The following ADH7 variants were observed in gnomAD, a reference collection of about 807,000 sequenced individuals.
ADH7 encodes the protein all-trans-retinol dehydrogenase [NAD(+)] ADH7.
A neutral mutation model predicts 34.4 loss-of-function variants in ADH7; 41 were observed. The ratio of observed to expected loss-of-function variants is 1.19; its 90% confidence interval spans 0.93 to 1.55. The LOEUF is 1.55. Ranked by LOEUF, ADH7 falls within the 40% of genes most tolerant of loss-of-function variation. The pLI, the probability that ADH7 is intolerant of heterozygous loss-of-function variation, is 0.00. For missense variants in ADH7, 540 were observed against 461.2 expected (o/e 1.17, Z -1.56); for synonymous variants, 180 against 160.9 (o/e 1.12, Z -0.90).
intron 7 of ADH7, among the ~76,000 whole-genome samples, chr4:99,417,965 G>C (rs951468460): frequency 6.6e-6 from 1 of 152,114 alleles, no homozygotes; most frequent in Admixed American, 6.5e-5. Flanking sequence ...TAATGTTGCA[G>C]AAAGAGGAAA....
chr4:99,420,955 G>T (rs181477004), intron 5 of ADH7, among the ~76,000 whole-genome samples, 162 bp from the exon 6 acceptor site: 1 of 152,290 alleles, frequency 6.6e-6, no homozygotes, highest in Admixed American at 6.5e-5. Context: ...GGATGTGAAG[G>T]ACCTCTTCAA....
chr4:99,432,822 C>G (rs1367032993), intron 1 of ADH7: 9 of 152,032 alleles, frequency 5.9e-5, no homozygotes. Flanking sequence ...CAATTCTGTG[C>G]CTATCAAGTC....
intron 5 of ADH7, among the ~76,000 whole-genome samples, chr4:99,423,494 A>C (rs1721720860): frequency 6.6e-6 from 1 of 151,480 alleles, no homozygotes; most frequent in South Asian, 2.1e-4. Flanking sequence ...AGTCCCACCA[A>C]CAGTGTAAAA....
chr4:99,434,929 C>G (rs1006942700), intron 1 of ADH7: 12 of 1,097,788 alleles, frequency 1.1e-5, no homozygotes, highest in Non-Finnish European at 1.4e-5. Context: ...AATTGCCCAG[C>G]TATCCGGAAA....
At chr4:99,415,238 G>C (rs1721489126) in intron 8 of ADH7, 2 of 444,166 alleles carry the variant, frequency 4.5e-6, no homozygotes, top group African/African-American at 4.1e-5. Flanking sequence ...CAGCCATGCT[G>C]AACTGTGAGT....
At chr4:99,431,539 T>C (rs1445800613) in intron 1 of ADH7, among the ~76,000 whole-genome samples, 1 of 152,088 alleles carries the variant, frequency 6.6e-6, no homozygotes. Context: ...AGACAACCTA[T>C]AGAAGTGGAG....
intron 1 of ADH7, chr4:99,432,618 C>G (rs978202437): frequency 6.6e-6 from 1 of 152,072 alleles, no homozygotes; most frequent in African/African-American, 2.4e-5. Context: ...ACAATGCTTA[C>G]TCAAATTTAC....
At chr4:99,418,462 C>T (rs1237552410) in intron 7 of ADH7, among the ~76,000 whole-genome samples, 1 of 152,088 alleles carries the variant, frequency 6.6e-6, no homozygotes, top group Non-Finnish European at 1.5e-5. Context: ...TGTCACCTAC[C>T]TTGAGCAGAG....
intron 6 of ADH7, among the ~76,000 whole-genome samples, chr4:99,419,935 G>A (rs1160259280): frequency 3.9e-5 from 6 of 152,136 alleles, no homozygotes; most frequent in Non-Finnish European, 8.8e-5. Context: ...TTTACGCTAT[G>A]CCAGGTTGGA....
intron 3 of ADH7, 89 bp from the exon 4 acceptor site, chr4:99,428,263 A>G: frequency 9.7e-6 from 13 of 1,333,892 alleles, no homozygotes; most frequent in Non-Finnish European, 1.4e-5. Context: ...TACTATAGGT[A>G]AAACTTTTAA....
At chr4:99,421,270 C>A (rs1167886508) in intron 5 of ADH7, among the ~76,000 whole-genome samples, 2 of 152,128 alleles carry the variant, frequency 1.3e-5, no homozygotes, top group Non-Finnish European at 2.9e-5. Context: ...GCTACAGTAA[C>A]AAAAACAGCA....
chr4:99,429,686 G>C (rs1025223693), intron 1 of ADH7, 53 bp from the exon 2 acceptor site: 1 of 1,216,530 alleles, frequency 8.2e-7, no homozygotes, highest in South Asian at 1.3e-5. Context: ...TTAACTTACA[G>C]ACTCCCTGAC....
chr4:99,422,753 A>G (rs1034826048), intron 5 of ADH7, among the ~76,000 whole-genome samples: 3 of 151,874 alleles, frequency 2.0e-5, no homozygotes, highest in African/African-American at 4.8e-5. Context: ...TTCATTTTCA[A>G]TTGCATTTCT....
At chr4:99,435,008 T>C (rs1276458808) in intron 1 of ADH7, 2 of 1,485,228 alleles carry the variant, frequency 1.3e-6, no homozygotes, top group Non-Finnish European at 1.8e-6. Context: ...TGACATTGGA[T>C]ATACTATTTC....
chr4:99,422,246 A>T (rs1176579167), intron 5 of ADH7, among the ~76,000 whole-genome samples: 1 of 152,236 alleles, frequency 6.6e-6, no homozygotes, highest in Non-Finnish European at 1.5e-5. Context: ...AAGACTTGGA[A>T]CTAACCCAAA....
At chr4:99,430,822 G>T (rs528459297) in intron 1 of ADH7, among the ~76,000 whole-genome samples, 1 of 151,604 alleles carries the variant, frequency 6.6e-6, no homozygotes, top group East Asian at 1.9e-4. Context: ...TTTTTTAGAC[G>T]CAATCTTGCT....
chr4:99,427,603 GA>G (rs1553918711), intron 5 of ADH7, among the ~76,000 whole-genome samples, 169 bp downstream of exon 5: 1 of 151,730 alleles, frequency 6.6e-6, no homozygotes. Context: ...TTTCTAATCT[GA>G]ATTTTTTATT....
Position 99,413,117 on chromosome 4 carries a change from TG to T in ADH7, c.*30del. 1 of 1,612,852 alleles carries T rather than the reference TG, an allele frequency of 6.2e-7. No individual in the cohort carries two copies. ...TCACAAGAGAAACTCCAGTTCACCA[TG>T]ACAACACAGACCTCCTGCCACTTTG... On this transcript the variant is annotated 3_prime_UTR_variant, in exon 9 of 9. Coordinates refer to ENST00000437033, the MANE Select transcript of ADH7 (RefSeq NM_000673.7).
intron 5 of ADH7, among the ~76,000 whole-genome samples, chr4:99,425,046 G>C (rs956493198): frequency 6.6e-6 from 1 of 151,984 alleles, no homozygotes; most frequent in Admixed American, 6.6e-5. Context: ...CCCTAAAAGA[G>C]TTCCTGAAGG....
Sources: allele counts gnomAD v4.1 joint callset (sites outside exome capture counted in the v4.1 genomes callset), GRCh38; gene constraint gnomAD v4.1.1; transcripts MANE v1.5; gene names NCBI Gene and HGNC (gene_info 2026-07-23, HGNC 2026-07-21).